Variants in RGS6 observed in about 807,000 individuals in gnomAD.
RGS6 encodes regulator of G protein signaling 6.
In RGS6, 30 loss-of-function variants were observed where a neutral mutation model predicts 78.5. The ratio of observed to expected loss-of-function variants is 0.38; its 90% confidence interval spans 0.29 to 0.52. The LOEUF (loss-of-function observed/expected upper bound fraction) is 0.52. Among genes scored for constraint, RGS6 ranks in the 20% least tolerant of loss-of-function variants. RGS6 has a pLI of 0.85. For missense variants in RGS6, 495 were observed against 609.7 expected (o/e 0.81, Z 1.98); for synonymous variants, 206 against 206.0 (o/e 1.00, Z 0.00).
At chr14:71,871,088 C>G in the RGS6 span, among the ~76,000 whole-genome samples, 1 of 152,174 alleles carries the variant, frequency 6.6e-6, no homozygotes, top group South Asian at 2.1e-4. Context: ...AATGGAACAG[C>G]ACAGGTAGAG....
intron 2 of RGS6, among the ~76,000 whole-genome samples, chr14:72,202,154 T>C (rs1173607968): frequency 6.6e-6 from 1 of 152,178 alleles, no homozygotes; most frequent in African/African-American, 2.4e-5. Context: ...TTAAAATATC[T>C]CTTGTTTTGG....
chr14:72,560,942 C>A (rs1190552732), intron 17 of RGS6, among the ~76,000 whole-genome samples: 1 of 151,772 alleles, frequency 6.6e-6, no homozygotes, highest in Non-Finnish European at 1.5e-5. Flanking sequence ...GAAAGGCAGA[C>A]TTTCTGACAG....
chr14:72,056,676 C>T (rs1251809309), intron 2 of RGS6, among the ~76,000 whole-genome samples: 1 of 152,138 alleles, frequency 6.6e-6, no homozygotes, highest in Non-Finnish European at 1.5e-5. Flanking sequence ...TGCTTGTTTC[C>T]CTCCCCTGCC....
intron 2 of RGS6, among the ~76,000 whole-genome samples, chr14:72,104,258 C>G (rs1201162747): frequency 6.6e-6 from 1 of 152,192 alleles, no homozygotes; most frequent in African/African-American, 2.4e-5. Flanking sequence ...CTTGCTTTTC[C>G]TTTCCTCTCT....
the RGS6 span, among the ~76,000 whole-genome samples, chr14:72,616,068 G>A: frequency 1.1e-3 from 165 of 152,252 alleles, no homozygotes; most frequent in African/African-American, 3.7e-3. Flanking sequence ...CCATGGAGTG[G>A]GGACCATCAT....
At chr14:72,579,887 G>T in the RGS6 span, among the ~76,000 whole-genome samples, 76 of 152,296 alleles carry the variant, frequency 5.0e-4, no homozygotes, top group African/African-American at 1.6e-3. Context: ...ATCAGGAAAG[G>T]GTTCAAAGAA....
intron 2 of RGS6, among the ~76,000 whole-genome samples, chr14:72,240,404 C>G (rs753500677): frequency 4.6e-5 from 7 of 152,094 alleles, no homozygotes; most frequent in Non-Finnish European, 7.3e-5. Context: ...AAGTGAGTTT[C>G]ATTTGGATGG....
At chr14:72,376,626 C>T (rs2084792096) in intron 3 of RGS6, among the ~76,000 whole-genome samples, 1 of 151,974 alleles carries the variant, frequency 6.6e-6, no homozygotes, top group African/African-American at 2.4e-5. Flanking sequence ...AGATTGATAG[C>T]AGATTTCTCA....
intron 13 of RGS6, among the ~76,000 whole-genome samples, chr14:72,498,408 G>C (rs1188179358): frequency 6.6e-6 from 1 of 152,074 alleles, no homozygotes; most frequent in Admixed American, 6.5e-5. Context: ...TTGGAAGACT[G>C]CTCATTTTTA....
chr14:72,141,250 C>A (rs954635825), intron 2 of RGS6, among the ~76,000 whole-genome samples: 1 of 152,196 alleles, frequency 6.6e-6, no homozygotes, highest in Admixed American at 6.5e-5. Context: ...ATGGTTAACA[C>A]AGGTCTTTAG....
intron 3 of RGS6, among the ~76,000 whole-genome samples, chr14:72,411,231 C>A (rs1422284086): frequency 6.6e-6 from 1 of 152,092 alleles, no homozygotes; most frequent in Non-Finnish European, 1.5e-5. Flanking sequence ...TTGTTTGTAT[C>A]CTCTTTTATT....
intron 4 of RGS6, among the ~76,000 whole-genome samples, chr14:72,456,267 T>G (rs1376687037): frequency 6.6e-6 from 1 of 152,164 alleles, no homozygotes; most frequent in Non-Finnish European, 1.5e-5. Context: ...TCTCCCTTCT[T>G]TTTCCCATCA....
chr14:72,045,093 G>A lies in RGS6; in HGVS notation c.84+80218G>A, dbSNP rs1383961945. Reference sequence around the variant, plus strand: ...TCCAGCTTGCAGATGGCGTACTATGGGACTTCCCAGCCTCCATAATCAGAT... The same window carrying A: ...TCCAGCTTGCAGATGGCGTACTATGAGACTTCCCAGCCTCCATAATCAGAT... On this transcript the variant is annotated intron_variant, in intron 2 of 17. Transcript: ENST00000553525. Among the ~76,000 whole-genome samples, 3 of 152,134 alleles carry A rather than the reference G, an allele frequency of 2.0e-5. No homozygotes were observed. The East Asian group carries it at 5.8e-4, about 29-fold the overall frequency.
chr14:72,198,858 G>A (rs1414585015), intron 2 of RGS6, among the ~76,000 whole-genome samples: 1 of 152,192 alleles, frequency 6.6e-6, no homozygotes, highest in Non-Finnish European at 1.5e-5. Flanking sequence ...GACAGAGAGA[G>A]GAAAGTGGTA....
chr14:72,028,256 C>A (rs920397452), intron 2 of RGS6, among the ~76,000 whole-genome samples: 1 of 152,284 alleles, frequency 6.6e-6, no homozygotes, highest in South Asian at 2.1e-4. Context: ...ATATGTTCTG[C>A]GTGTTCACAT....
chr14:72,027,052 C>G (rs111637299), intron 2 of RGS6, among the ~76,000 whole-genome samples: 1 of 151,956 alleles, frequency 6.6e-6, no homozygotes, highest in African/African-American at 2.4e-5. Flanking sequence ...GGAGAGGATG[C>G]CTGCGTGTCT....
intron 2 of RGS6, among the ~76,000 whole-genome samples, chr14:72,154,755 C>T (rs891943899): frequency 3.3e-5 from 5 of 152,210 alleles, no homozygotes; most frequent in Admixed American, 6.5e-5. Context: ...AAATGCCTGT[C>T]CCCAGTGGTT....
At chr14:72,205,765 A>C (rs555006257) in intron 2 of RGS6, among the ~76,000 whole-genome samples, 99 of 152,346 alleles carry the variant, frequency 6.5e-4, no homozygotes, top group African/African-American at 2.3e-3. Flanking sequence ...AAAAAACAAA[A>C]ATTATTACTG....
upstream of RGS6, among the ~76,000 whole-genome samples, chr14:71,930,748 C>T (rs2087802925): frequency 6.6e-6 from 1 of 151,572 alleles, no homozygotes; most frequent in African/African-American, 2.4e-5. Context: ...TTTGGGTGGC[C>T]AAGGCGGGTG....
Sources: allele counts gnomAD v4.1 joint callset (sites outside exome capture counted in the v4.1 genomes callset), GRCh38; gene constraint gnomAD v4.1.1; transcripts MANE v1.5; gene names NCBI Gene and HGNC (gene_info 2026-07-23, HGNC 2026-07-21).